CEP55: variants seen among roughly 807,000 people sequenced by gnomAD.
CEP55 encodes centrosomal protein 55.
A neutral mutation model predicts 63.2 loss-of-function variants in CEP55; 57 were observed. The observed-to-expected ratio is 0.90, with a 90% confidence interval of 0.73 to 1.13. The LOEUF (loss-of-function observed/expected upper bound fraction) is 1.13, where lower values mean the gene tolerates loss of function less well. Among genes scored for constraint, CEP55 ranks in the 50% most tolerant of loss-of-function variants. The pLI is 0.00. For synonymous variants in CEP55, 178 were observed against 191.6 expected (o/e 0.93, Z 0.59); for missense variants, 456 against 518.9 (o/e 0.88, Z 1.18).
chr10:93,518,981 T>C, intron 7 of CEP55, 33 bp downstream of exon 7: 1 of 1,546,684 alleles, frequency 6.5e-7, no homozygotes, highest in Non-Finnish European at 8.9e-7. Flanking sequence ...AATTCAATTC[T>C]GCCTGTTAGA....
chr10:93,500,744 G>A (rs137877882), intron 2 of CEP55, among the ~76,000 whole-genome samples: 382 of 151,502 alleles, frequency 2.5e-3, no homozygotes, highest in Admixed American at 6.1e-3. Flanking sequence ...TAACTTAGAA[G>A]CATTCGATTT....
intron 3 of CEP55, 88 bp downstream of exon 3, chr10:93,503,476 C>T: frequency 7.8e-7 from 1 of 1,284,094 alleles, no homozygotes; most frequent in South Asian, 1.4e-5. Flanking sequence ...TTAAGACATG[C>T]TTCCCAAATG....
At chr10:93,521,755 G>A (rs2057865885) in intron 8 of CEP55, among the ~76,000 whole-genome samples, 2 of 152,190 alleles carry the variant, frequency 1.3e-5, no homozygotes, top group Non-Finnish European at 2.9e-5. Flanking sequence ...AACTTCCAGA[G>A]GAGCAATCAG....
intron 8 of CEP55, among the ~76,000 whole-genome samples, chr10:93,521,397 G>A (rs1342334929): frequency 1.3e-5 from 2 of 152,160 alleles, no homozygotes; most frequent in Non-Finnish European, 2.9e-5. Context: ...GAGGCTGGGG[G>A]AGGGGTGCCC....
chr10:93,522,391 A>G (rs537246946), intron 8 of CEP55, among the ~76,000 whole-genome samples: 131 of 152,330 alleles, frequency 8.6e-4, no homozygotes, highest in Non-Finnish European at 1.6e-3. Context: ...TTGAGAAAAA[A>G]GGATAAAAAG....
chr10:93,503,919 T>C (rs1285755311), intron 3 of CEP55, among the ~76,000 whole-genome samples: 4 of 151,796 alleles, frequency 2.6e-5, no homozygotes, highest in African/African-American at 9.7e-5. Context: ...TTAACCTTTA[T>C]AGCCTTAGAG....
chr10:93,502,836 C>T (rs1272740079), intron 2 of CEP55, among the ~76,000 whole-genome samples: 1 of 152,176 alleles, frequency 6.6e-6, no homozygotes, highest in Non-Finnish European at 1.5e-5. Context: ...TTTTTCTCAC[C>T]ACCCTTGATA....
intron 8 of CEP55, among the ~76,000 whole-genome samples, chr10:93,527,235 G>A (rs1444568892): frequency 6.6e-6 from 1 of 152,102 alleles, no homozygotes; most frequent in African/African-American, 2.4e-5. Context: ...GAATATCTTA[G>A]TCATTTCTGT....
chr10:93,518,356 G>C (rs953588933), intron 6 of CEP55, among the ~76,000 whole-genome samples: 4 of 151,976 alleles, frequency 2.6e-5, no homozygotes, highest in African/African-American at 9.7e-5. Context: ...CACCATGTTG[G>C]CCAGGCTGGT....
intron 8 of CEP55, among the ~76,000 whole-genome samples, chr10:93,520,814 A>G (rs2057853273): frequency 6.6e-6 from 1 of 152,222 alleles, no homozygotes; most frequent in African/African-American, 2.4e-5. Flanking sequence ...TAACTTCTGT[A>G]TGAATAAAAG....
intron 8 of CEP55, among the ~76,000 whole-genome samples, chr10:93,522,812 C>T (rs1402473962): frequency 1.3e-5 from 2 of 152,162 alleles, no homozygotes; most frequent in Non-Finnish European, 1.5e-5. Context: ...GAATTTTCAA[C>T]CCAGAATTTC....
intron 8 of CEP55, among the ~76,000 whole-genome samples, chr10:93,526,055 A>G (rs1589661409): frequency 6.6e-6 from 1 of 152,286 alleles, no homozygotes. Context: ...AAACACCAAA[A>G]GCAATGGCAA....
In CEP55 at chr10:93,528,405, A is replaced by G; in HGVS notation, c.*252A>G. On this transcript the variant is annotated 3_prime_UTR_variant, in exon 9 of 9. Coordinates refer to ENST00000371485, the MANE Select transcript of CEP55 (RefSeq NM_018131.5). ...AGCAGCGTCTACTGAGACTACTAACATTTTGCACTGTCAAAATACTTGGTG... is the reference window on the plus strand; with the variant it reads ...AGCAGCGTCTACTGAGACTACTAACGTTTTGCACTGTCAAAATACTTGGTG... 2 of 479,098 alleles carry G rather than the reference A, an allele frequency of 4.2e-6. No homozygotes were observed. Among genetic ancestry groups the G allele is most frequent in the East Asian group, 7.5e-5 (2 of 26,812 alleles). The allele number at this position is 479,098 out of a possible 1,614,324, so 29.7% of individuals were successfully genotyped here. A position where few individuals can be genotyped will look rare whatever the true frequency, so the allele number is the denominator to read the frequency against.
chr10:93,504,736 T>C (rs2057670674), intron 3 of CEP55, among the ~76,000 whole-genome samples: 1 of 152,214 alleles, frequency 6.6e-6, no homozygotes, highest in African/African-American at 2.4e-5. Flanking sequence ...AAATTTTTCT[T>C]TGAAGTTCAA....
At position 93,515,229 on chromosome 10, in the gene CEP55, G is replaced by A. The variant is rs189000577; in HGVS notation, c.529-176G>A. Among the ~76,000 whole-genome samples the A allele has an allele frequency of 9.8e-5, 15 of 152,312 alleles. No individual in the cohort carries two copies. The East Asian group carries it at 2.5e-3, about 25-fold the overall frequency. On this transcript the variant is annotated intron_variant, in intron 4 of 8. Transcript: ENST00000371485. Reference sequence around the variant, plus strand: ...ATGAACTTAATCCCACATAAACTACGATGGTGTCATGTTGTTATGTATTCT... The same window carrying A: ...ATGAACTTAATCCCACATAAACTACAATGGTGTCATGTTGTTATGTATTCT...
Position 93,528,500 on chromosome 10 carries a change from G to T in CEP55, c.*347G>T. Reference sequence around the variant, plus strand: ...CAAGCAAAATATTTTATGTTTTGGGGGTTTTGAAAAATCAAAGATAATTAA... The same window carrying T: ...CAAGCAAAATATTTTATGTTTTGGGTGTTTTGAAAAATCAAAGATAATTAA... On this transcript the variant is annotated 3_prime_UTR_variant, in exon 9 of 9. Transcript: ENST00000371485. 6.6e-6 allele frequency: 1 copy of T among 150,674 alleles called. No individual in the cohort carries two copies. The allele number at this position is 150,674 out of a possible 1,614,324, so 9.3% of individuals were successfully genotyped here.
At chr10:93,521,304 C>T (rs773210554) in intron 8 of CEP55, among the ~76,000 whole-genome samples, 2 of 152,172 alleles carry the variant, frequency 1.3e-5, no homozygotes, top group East Asian at 1.9e-4. Context: ...TTATATCCCA[C>T]GCCTGGCTTG....
chr10:93,524,891 C>T (rs1394478210), intron 8 of CEP55, among the ~76,000 whole-genome samples: 1 of 152,028 alleles, frequency 6.6e-6, no homozygotes, highest in Admixed American at 6.6e-5. Context: ...ATTCAACAGC[C>T]CTTCATGCTA....
intron 3 of CEP55, 144 bp downstream of exon 3, chr10:93,503,532 T>C (rs2057656735): frequency 2.6e-6 from 2 of 757,148 alleles, no homozygotes; most frequent in Non-Finnish European, 4.2e-6. Flanking sequence ...CACTTCACTT[T>C]TTTTAATAGC....
Sources: allele counts gnomAD v4.1 joint callset (sites outside exome capture counted in the v4.1 genomes callset), GRCh38; gene constraint gnomAD v4.1.1; transcripts MANE v1.5; gene names NCBI Gene and HGNC (gene_info 2026-07-23, HGNC 2026-07-21).